KCTD21: variants seen among roughly 807,000 people sequenced by gnomAD.
KCTD21 encodes the protein potassium channel tetramerization domain containing 21.
KCTD21 carries 9 observed loss-of-function variants against 13.2 expected under a neutral mutation model. The ratio of observed to expected loss-of-function variants is 0.68; its 90% CI spans 0.41 to 1.19. The LOEUF is 1.19. KCTD21 is among the 50% of genes most tolerant of loss of function. The pLI is 0.01. For missense variants in KCTD21, 303 were observed against 336.5 expected, an observed-to-expected ratio of 0.90 and a Z score of 0.78; for synonymous variants, 142 against 137.4, an observed-to-expected ratio of 1.03 and a Z score of -0.23.
chr11:78,173,952 G>C lies in KCTD21; in HGVS notation c.603C>G (p.Thr201=). 2 of 1,614,076 alleles carry C rather than the reference G, an allele frequency of 1.2e-6. No individual in the cohort carries two copies. The highest frequency in any genetic ancestry group is 1.7e-6 in the Non-Finnish European group (2 of 1,180,022). ...CCCAGAGCCTCTTGAGGTTCTGCTTGGTGTACTCCTCCTCTGGCAGGCCCT... is the reference window on the plus strand; with the variant it reads ...CCCAGAGCCTCTTGAGGTTCTGCTTCGTGTACTCCTCCTCTGGCAGGCCCT... ...NVEGLPEEEY[T]KQNLKRLWVV... is the part of the protein sequence containing the mutation. The change falls in exon 2 of 2, where the codon ACC becomes ACG. Residue 201 remains threonine, a synonymous_variant. Coordinates refer to ENST00000340067, the MANE Select transcript of KCTD21 (RefSeq NM_001029859.3).
chr11:78,180,139 T>C (rs1862573416), intron 1 of KCTD21, among the ~76,000 whole-genome samples: 3 of 152,212 alleles, frequency 2.0e-5, no homozygotes, highest in African/African-American at 7.2e-5. Flanking sequence ...AACTGTGGAT[T>C]AGGCAAAGAT....
intron 1 of KCTD21, chr11:78,188,276 C>T (rs1862868985): frequency 1.0e-6 from 1 of 984,808 alleles, no homozygotes; most frequent in Middle Eastern, 5.2e-4. Flanking sequence ...CTCCTTGCCC[C>T]ACCCACCAAG....
Position 78,174,186 on chromosome 11 carries a change from G to A in KCTD21, c.369C>T (p.Val123=). The A allele has an allele frequency of 6.2e-7, 1 of 1,614,014 alleles. No homozygotes were observed. Among genetic ancestry groups the A allele is most frequent in the South Asian group, 1.1e-5 (1 of 91,080 alleles). The change falls in exon 2 of 2, where the codon GTC becomes GTT. Residue 123 remains valine, a synonymous_variant. Transcript: ENST00000340067. ...NITLNQRVQT[V]HFTVREAPQI... is the part of the protein sequence containing the mutation. ...GGGGTGCCTCGCGCACAGTGAAGTGGACCGTCTGCACACGCTGGTTCAGTG... is the reference window on the plus strand; with the variant it reads ...GGGGTGCCTCGCGCACAGTGAAGTGAACCGTCTGCACACGCTGGTTCAGTG...
rs188938744 is a variant in KCTD21, at chr11:78,174,209, G to A, written c.346C>T (p.Leu116=). 3 of 1,614,086 alleles carry A rather than the reference G, an allele frequency of 1.9e-6. No individual in the cohort carries two copies. Among genetic ancestry groups the A allele is most frequent in the African/African-American group, 2.7e-5 (2 of 75,020 alleles). The change falls in exon 2 of 2, where the codon CTG becomes TTG. Residue 116 remains leucine (L), a synonymous_variant. Transcript: ENST00000340067. ...TGGACCGTCTGCACACGCTGGTTCA[G>A]TGTGATGTTGAGCATGGCATTCTTC... ...AEKNAMLNIT[L]NQRVQTVHFT...
At chr11:78,181,946 GA>G (rs1320521162) in intron 1 of KCTD21, among the ~76,000 whole-genome samples, 1 of 152,146 alleles carries the variant, frequency 6.6e-6, no homozygotes, top group African/African-American at 2.4e-5. Context: ...GTGTGTCTAT[GA>G]ACTGGATCAT....
At chr11:78,186,916 TC>T in intron 1 of KCTD21, 2 of 985,446 alleles carry the variant, frequency 2.0e-6, no homozygotes, top group Non-Finnish European at 2.4e-6. Context: ...CCTTTCTATA[TC>T]CACAGAAGCA....
intron 1 of KCTD21, among the ~76,000 whole-genome samples, chr11:78,184,017 C>CAA (rs1220301705): frequency 6.6e-6 from 1 of 152,180 alleles, no homozygotes; most frequent in Non-Finnish European, 1.5e-5. Flanking sequence ...TTGCAACCCT[C>CAA]AGTGTTGTAA....
In KCTD21 at chr11:78,182,813, C is replaced by T. The variant is rs542324043; in HGVS notation, c.-30+5760G>A. Reference sequence around the variant, plus strand: ...TGAACCCAGCCACAGAGGTCCTAGCCAACAGTCTGTATACTCATGGCGACC... The same window carrying T: ...TGAACCCAGCCACAGAGGTCCTAGCTAACAGTCTGTATACTCATGGCGACC... On this transcript the variant is annotated intron_variant, in intron 1 of 1. Transcript: ENST00000340067. Among the ~76,000 whole-genome samples the T allele has an allele frequency of 4.6e-5, 7 of 152,254 alleles. No individual in the cohort carries two copies. The South Asian group carries it at 1.5e-3, about 32-fold the overall frequency.
chr11:78,174,278 T>A lies in KCTD21; in HGVS notation c.277A>T (p.Ile93Phe). ...ACTTCCTTCTCCTGCAGGGCCTCAA[T>A]CAGGGGCTGCACCTGGTAGAAGTCG... is the stretch of plus-strand genomic sequence containing the variant. ...EADFYQVQPLIEALQEKEVEL... is the reference protein window; with the variant it reads ...EADFYQVQPLFEALQEKEVEL... The change falls in exon 2 of 2, where the codon ATT becomes TTT. Residue 93 changes from isoleucine (I) to phenylalanine (F), a missense_variant. Coordinates refer to ENST00000340067, the MANE Select transcript of KCTD21 (RefSeq NM_001029859.3). The A allele has an allele frequency of 6.2e-7, 1 of 1,614,052 alleles. No individual in the cohort carries two copies. Among genetic ancestry groups the A allele is most frequent in the East Asian group, 2.2e-5 (1 of 44,876 alleles).
At chr11:78,187,984 T>C in intron 1 of KCTD21, 1 of 984,712 alleles carries the variant, frequency 1.0e-6, no homozygotes, top group Non-Finnish European at 1.2e-6. Context: ...GGGAGGTCAA[T>C]GAGATCACTG....
chr11:78,181,769 G>T (rs1280358687), intron 1 of KCTD21, among the ~76,000 whole-genome samples: 1 of 151,738 alleles, frequency 6.6e-6, no homozygotes, highest in Non-Finnish European at 1.5e-5. Context: ...AACATAGTAA[G>T]ACCCCTGTCT....
chr11:78,186,270 G>C (rs1219256799), intron 1 of KCTD21, among the ~76,000 whole-genome samples: 1 of 149,156 alleles, frequency 6.7e-6, no homozygotes, highest in Non-Finnish European at 1.5e-5. Context: ...CAGCTGCACA[G>C]GCTGAGGTAG....
chr11:78,187,865 CT>C (rs1314990417), intron 1 of KCTD21: 36 of 985,266 alleles, frequency 3.7e-5, no homozygotes, highest in Non-Finnish European at 4.3e-5. Context: ...AAAGCAAGGT[CT>C]TTGAAGTAAG....
rs527905911 is a variant in KCTD21, at chr11:78,181,138, A to G, written c.-29-6555T>C. Among the ~76,000 whole-genome samples, 18 of 152,314 alleles carry G rather than the reference A, an allele frequency of 1.2e-4. No individual in the cohort carries two copies. The South Asian group carries it at 3.7e-3, about 32-fold the overall frequency. ...GTGTGAGAATGGACTAATACAGCAT[A>G]CAATTATCACGTGACCCAATGACCC... On this transcript the variant is annotated intron_variant, in intron 1 of 1. Coordinates refer to ENST00000340067, the MANE Select transcript of KCTD21 (RefSeq NM_001029859.3).
rs138644817 is a variant in KCTD21, at chr11:78,188,155, C to A, written c.-30+418G>T. ...GTCATCTGTGTCTCCGCCCTTCCTT[C>A]CCCAATCTCACCCAGGCTGGCCTCA... is the stretch of plus-strand genomic sequence containing the variant. On this transcript the variant is annotated intron_variant, in intron 1 of 1. Transcript: ENST00000340067. The A allele has an allele frequency of 9.4e-4, 922 of 985,372 alleles. 9 individuals carry two copies. In the African/African-American group the frequency reaches 0.015, roughly 16 times the overall value. The allele number at this position is 985,372 out of a possible 1,614,324, so 61.0% of individuals were successfully genotyped here. A position where few individuals can be genotyped will look rare whatever the true frequency, so the allele number is the denominator to read the frequency against.
intron 1 of KCTD21, among the ~76,000 whole-genome samples, chr11:78,182,680 T>G (rs957227894): frequency 6.6e-6 from 1 of 152,178 alleles, no homozygotes; most frequent in Non-Finnish European, 1.5e-5. Flanking sequence ...GTGAATCCCT[T>G]GCCCAGGGCT....
At chr11:78,180,076 T>C (rs1862571750) in intron 1 of KCTD21, among the ~76,000 whole-genome samples, 1 of 152,222 alleles carries the variant, frequency 6.6e-6, no homozygotes, top group African/African-American at 2.4e-5. Flanking sequence ...GAACATATCA[T>C]AGACCTAAAT....
chr11:78,181,427 T>C lies in KCTD21; in HGVS notation c.-29-6844A>G, dbSNP rs535040266. ...CAGAAGGTTACATGGTACATGACTCTATCTGTATAACGTTCTGGCAAAGGC... is the reference window on the plus strand; with the variant it reads ...CAGAAGGTTACATGGTACATGACTCCATCTGTATAACGTTCTGGCAAAGGC... On this transcript the variant is annotated intron_variant, in intron 1 of 1. Transcript: ENST00000340067. Among the ~76,000 whole-genome samples, 131 of 152,368 alleles carry C rather than the reference T, an allele frequency of 8.6e-4. 1 individual carries two copies. Among genetic ancestry groups the C allele is most frequent in the Middle Eastern group, 3.4e-3 (1 of 294 alleles).
intron 1 of KCTD21, among the ~76,000 whole-genome samples, chr11:78,178,231 C>A (rs927436427): frequency 3.3e-5 from 5 of 151,598 alleles, no homozygotes; most frequent in Admixed American, 2.6e-4. Context: ...ATTCAAGCGA[C>A]ACTCCTGCCT....
Sources: gnomAD v4.1 joint callset for allele counts (sites outside exome capture counted in the v4.1 genomes callset) on GRCh38, gnomAD v4.1.1 for gene constraint, MANE v1.5 for transcripts, NCBI Gene and HGNC (gene_info 2026-07-23, HGNC 2026-07-21) for gene names.